CCDC7: variants seen among roughly 807,000 people sequenced by gnomAD.
CCDC7 encodes coiled-coil domain containing 7.
Under a neutral mutation model 196.9 loss-of-function variants are expected in CCDC7, and 183 were observed. The ratio of observed to expected loss-of-function variants is 0.93; its 90% CI spans 0.82 to 1.05. CCDC7 has a LOEUF of 1.05. Ranked by LOEUF, CCDC7 falls within the 50% of genes least tolerant of loss-of-function variation. The pLI, the probability that CCDC7 is intolerant of heterozygous loss-of-function variation, is 0.00. For synonymous variants in CCDC7, 525 were observed against 484.6 expected (o/e 1.08, Z -1.10); for missense variants, 1,540 against 1,482.2 (o/e 1.04, Z -0.64).
chr10:32,661,377 C>T (rs2071401905), intron 20 of CCDC7, among the ~76,000 whole-genome samples: 1 of 151,882 alleles, frequency 6.6e-6, no homozygotes, highest in East Asian at 1.9e-4. Flanking sequence ...GTTGGTGGGA[C>T]TGTAAACTAG....
intron 18 of CCDC7, among the ~76,000 whole-genome samples, chr10:32,597,386 C>T (rs1037275432): frequency 6.6e-6 from 1 of 152,146 alleles, no homozygotes; most frequent in Non-Finnish European, 1.5e-5. Flanking sequence ...CATTTAAGGA[C>T]TTCTCTACAC....
intron 13 of CCDC7, among the ~76,000 whole-genome samples, chr10:32,564,767 C>T (rs1270146590): frequency 6.6e-6 from 1 of 151,632 alleles, no homozygotes; most frequent in Admixed American, 6.6e-5. Context: ...CTAACCTGCA[C>T]ATTGTGTACA....
intron 29 of CCDC7, among the ~76,000 whole-genome samples, chr10:32,795,631 T>C (rs1242605427): frequency 6.6e-6 from 1 of 152,234 alleles, no homozygotes; most frequent in Non-Finnish European, 1.5e-5. Context: ...GGGGATGTAT[T>C]CCTGTATCTT....
Position 32,842,673 on chromosome 10 carries a change from C to CA in CCDC7, c.3353-2565dup, listed in dbSNP as rs2093044392. ...TTTATAGCAGTACTATTTGCCATTG[C>CA]AAAAATATGGAATCAGCCCAAATGC... On this transcript the variant is annotated intron_variant, in intron 33 of 41. Coordinates refer to ENST00000639629, the Ensembl canonical transcript of CCDC7. 2.0e-5 allele frequency among the ~76,000 whole-genome samples: 3 copies of CA among 152,092 alleles called. No individual in the cohort carries two copies. The South Asian group carries it at 6.2e-4, about 31-fold the overall frequency.
At chr10:32,555,776 C>T (rs1023060788) in intron 13 of CCDC7, among the ~76,000 whole-genome samples, 1 of 152,094 alleles carries the variant, frequency 6.6e-6, no homozygotes, top group African/African-American at 2.4e-5. Context: ...ACAAATTATT[C>T]CAAAACGTAG....
intron 20 of CCDC7, among the ~76,000 whole-genome samples, chr10:32,659,743 T>C (rs1425327897): frequency 1.3e-5 from 2 of 152,092 alleles, no homozygotes; most frequent in Admixed American, 6.5e-5. Flanking sequence ...ACATCACTGA[T>C]CATTAGAGAA....
intron 5 of CCDC7, among the ~76,000 whole-genome samples, chr10:32,464,749 A>G (rs2036393663): frequency 6.6e-6 from 1 of 151,986 alleles, no homozygotes; most frequent in Non-Finnish European, 1.5e-5. Flanking sequence ...GGATTCATGC[A>G]ATTCCCTTGC....
chr10:32,527,518 C>T (rs969351218), intron 11 of CCDC7, among the ~76,000 whole-genome samples: 2 of 152,258 alleles, frequency 1.3e-5, no homozygotes, highest in South Asian at 2.1e-4. Flanking sequence ...TGTCTCAGCC[C>T]GTGCACATCA....
chr10:32,556,657 G>T (rs2054402362), intron 13 of CCDC7, among the ~76,000 whole-genome samples: 4 of 152,088 alleles, frequency 2.6e-5, no homozygotes, highest in Admixed American at 2.6e-4. Context: ...TAATTTACAA[G>T]ATTTCTAAAC....
intron 20 of CCDC7, among the ~76,000 whole-genome samples, chr10:32,657,886 T>C (rs894321066): frequency 2.6e-5 from 4 of 152,184 alleles, no homozygotes; most frequent in Non-Finnish European, 2.9e-5. Flanking sequence ...TTCTGCCAGA[T>C]ACCATAAATC....
intron 11 of CCDC7, among the ~76,000 whole-genome samples, chr10:32,520,333 C>T (rs975681199): frequency 6.6e-6 from 1 of 152,058 alleles, no homozygotes; most frequent in Non-Finnish European, 1.5e-5. Flanking sequence ...ACATTCTCAC[C>T]AACAGTGTAT....
chr10:32,645,238 CTGTT>C (rs772672770), intron 20 of CCDC7, among the ~76,000 whole-genome samples: 3 of 152,212 alleles, frequency 2.0e-5, no homozygotes, highest in East Asian at 1.9e-4. Flanking sequence ...AACTCATACA[CTGTT>C]TGTGGGTATA....
intron 13 of CCDC7, among the ~76,000 whole-genome samples, chr10:32,561,494 A>G (rs1161598571): frequency 2.6e-5 from 4 of 152,298 alleles, no homozygotes; most frequent in African/African-American, 9.6e-5. Flanking sequence ...GGATTAACAA[A>G]CTCACTCAAA....
chr10:32,766,165 A>C (rs2078261803), intron 28 of CCDC7, among the ~76,000 whole-genome samples: 1 of 152,062 alleles, frequency 6.6e-6, no homozygotes, highest in Non-Finnish European at 1.5e-5. Flanking sequence ...TACATCATGA[A>C]ATGTTTAGAA....
At chr10:32,754,041 A>T (rs7478265) in intron 28 of CCDC7, among the ~76,000 whole-genome samples, 13,404 of 152,036 alleles carry the variant, frequency 0.088, 857 homozygotes, top group East Asian at 0.33. Context: ...AAATAAGATA[A>T]AATTCCTATT....
intron 29 of CCDC7, among the ~76,000 whole-genome samples, chr10:32,786,939 A>G (rs1368371208): frequency 6.6e-6 from 1 of 152,224 alleles, no homozygotes; most frequent in Non-Finnish European, 1.5e-5. Flanking sequence ...TAAATAATTT[A>G]TAGAGAGATT....
chr10:32,508,932 ATTTTTT>A (rs4016795), intron 9 of CCDC7, among the ~76,000 whole-genome samples: 52 of 117,100 alleles, frequency 4.4e-4, no homozygotes, highest in South Asian at 2.3e-3. Context: ...TGTGCCTGGC[ATTTTTT>A]TTTTTTTTTT....
In CCDC7 at chr10:32,718,350, C is replaced by A. The variant is rs192621750; in HGVS notation, c.2569+6620C>A. 3.2e-3 allele frequency among the ~76,000 whole-genome samples: 493 copies of A among 152,142 alleles called. 1 individual carries two copies. Among genetic ancestry groups the A allele is most frequent in the Non-Finnish European group, 4.3e-3 (289 of 67,984 alleles). ...ATTCATGGTAAAAACACTCAATAAA[C>A]TAGGTAATGATGGGATGTATCTCAA... On this transcript the variant is annotated intron_variant, in intron 25 of 41. Coordinates refer to ENST00000639629, the Ensembl canonical transcript of CCDC7.
chr10:32,664,186 C>T (rs1013514833), intron 21 of CCDC7, 25 bp downstream of exon 22: 1 of 392,998 alleles, frequency 2.5e-6, no homozygotes, highest in Non-Finnish European at 4.5e-6. Flanking sequence ...TGTAGATAAC[C>T]TTAAAATAAT....
Sources: gnomAD v4.1 joint callset for allele counts (sites outside exome capture counted in the v4.1 genomes callset) on GRCh38, gnomAD v4.1.1 for gene constraint, MANE v1.5 for transcripts, NCBI Gene and HGNC (gene_info 2026-07-23, HGNC 2026-07-21) for gene names.